Variants in SDK1 observed in about 807,000 individuals in gnomAD.
SDK1 encodes protein sidekick-1.
A neutral mutation model predicts 245.5 loss-of-function variants in SDK1; 157 were observed. That is an observed-to-expected ratio of 0.64 (90% CI 0.56 to 0.73). SDK1 has a LOEUF of 0.73. SDK1 is among the 30% of genes least tolerant of loss of function. SDK1 has a pLI of 0.00. For missense variants in SDK1, 3,583 were observed against 3,002.3 expected, an observed-to-expected ratio of 1.19 and a Z score of -4.52; for synonymous variants, 1,647 against 1,278.5, an observed-to-expected ratio of 1.29 and a Z score of -6.15.
At chr7:3,605,736 A>C (rs2128640254) in intron 1 of SDK1, among the ~76,000 whole-genome samples, 1 of 152,298 alleles carries the variant, frequency 6.6e-6, no homozygotes, top group South Asian at 2.1e-4. Context: ...TCAGAGTAAA[A>C]TTATTTCAGA....
chr7:4,021,278 C>G (rs1350963551), intron 17 of SDK1, among the ~76,000 whole-genome samples: 2 of 152,150 alleles, frequency 1.3e-5, no homozygotes, highest in African/African-American at 4.8e-5. Flanking sequence ...CATCTATCCA[C>G]AGATCGGGGT....
intron 4 of SDK1, among the ~76,000 whole-genome samples, chr7:3,793,764 G>C (rs1441007340): frequency 6.6e-6 from 1 of 152,060 alleles, no homozygotes; most frequent in Non-Finnish European, 1.5e-5. Context: ...ATGGCAGTGA[G>C]TGTGGTTATT....
intron 15 of SDK1, 81 bp downstream of exon 15, chr7:4,011,194 G>C (rs993932403): frequency 4.0e-6 from 6 of 1,518,058 alleles, no homozygotes; most frequent in Admixed American, 3.8e-5. Flanking sequence ...TTATGTGGTG[G>C]AATTGATCAC....
chr7:3,394,837 A>G (rs1433386964), intron 1 of SDK1, among the ~76,000 whole-genome samples: 5 of 152,212 alleles, frequency 3.3e-5, no homozygotes, highest in East Asian at 3.9e-4. Flanking sequence ...ATTTTTATAT[A>G]TTGATCTTGT....
At position 4,132,428 on chromosome 7, in the gene SDK1, G is replaced by A. The variant is rs1215588169; in HGVS notation, c.4228+5G>A. 1 of 1,601,526 alleles carries A rather than the reference G, an allele frequency of 6.2e-7. No individual in the cohort carries two copies. Among genetic ancestry groups the A allele is most frequent in the Non-Finnish European group, 8.5e-7 (1 of 1,172,130 alleles). On this transcript the variant is annotated splice_donor_5th_base_variant and intron_variant, in intron 28 of 44. Coordinates refer to ENST00000404826, the MANE Select transcript of SDK1 (RefSeq NM_152744.4). The stretch of plus-strand genomic sequence containing the variant: ...AGCCCAACGGCATCATCCTGGGTAA[G>A]GGAGCGGCGGTGGCCGGGCGTGGTG...
intron 4 of SDK1, among the ~76,000 whole-genome samples, chr7:3,790,119 A>G (rs1781033230): frequency 6.6e-6 from 1 of 152,112 alleles, no homozygotes; most frequent in Non-Finnish European, 1.5e-5. Flanking sequence ...TGAGAGGAGA[A>G]GTCTGCAGAC....
intron 1 of SDK1, among the ~76,000 whole-genome samples, chr7:3,430,080 A>G (rs940017198): frequency 9.9e-5 from 15 of 152,214 alleles, no homozygotes; most frequent in Non-Finnish European, 1.9e-4. Flanking sequence ...CCTTGAGGAC[A>G]GCCCTTCTTT....
At chr7:4,129,756 C>G in intron 26 of SDK1, 152 bp from the exon 27 acceptor site, 1 of 1,454,858 alleles carries the variant, frequency 6.9e-7, no homozygotes, top group Middle Eastern at 2.5e-4. Flanking sequence ...CCAGCATGGA[C>G]AAATTAGATC....
chr7:4,084,469 A>G (rs55805280), intron 22 of SDK1, among the ~76,000 whole-genome samples: 35,830 of 152,060 alleles, frequency 0.24, 4,749 homozygotes, highest in African/African-American at 0.34. Flanking sequence ...AGATGGAGCC[A>G]TGCCTGCAGG....
intron 25 of SDK1, 105 bp downstream of exon 25, chr7:4,114,379 C>T: frequency 1.2e-6 from 1 of 857,110 alleles, no homozygotes. Flanking sequence ...TGGCCTGTCC[C>T]ACTTGTGTCT....
chr7:3,703,591 T>G (rs553828543), intron 4 of SDK1, among the ~76,000 whole-genome samples: 215 of 152,312 alleles, frequency 1.4e-3, no homozygotes, highest in Non-Finnish European at 2.3e-3. Flanking sequence ...ACTCACACAT[T>G]GCACTAATTT....
chr7:3,722,677 A>G (rs1268113020), intron 4 of SDK1, among the ~76,000 whole-genome samples: 4 of 152,182 alleles, frequency 2.6e-5, no homozygotes, highest in African/African-American at 7.2e-5. Context: ...TAGCCACCAC[A>G]TGGTGCCCAG....
intron 4 of SDK1, among the ~76,000 whole-genome samples, chr7:3,770,544 T>G (rs1780380353): frequency 6.6e-6 from 1 of 152,222 alleles, no homozygotes; most frequent in African/African-American, 2.4e-5. Context: ...CCAGAGTGCC[T>G]GTAGCATTTT....
At chr7:3,723,825 CAT>C in intron 4 of SDK1, among the ~76,000 whole-genome samples, 1 of 147,160 alleles carries the variant, frequency 6.8e-6, no homozygotes, top group African/African-American at 2.5e-5. Flanking sequence ...CGTACATATA[CAT>C]ATACACGTGT....
At chr7:3,544,855 C>T (rs1458876597) in intron 1 of SDK1, among the ~76,000 whole-genome samples, 1 of 152,188 alleles carries the variant, frequency 6.6e-6, no homozygotes, top group African/African-American at 2.4e-5. Context: ...GTCACAGTTA[C>T]CCAGGGACTC....
At chr7:3,573,529 C>T (rs1326434584) in intron 1 of SDK1, among the ~76,000 whole-genome samples, 17 of 152,104 alleles carry the variant, frequency 1.1e-4, no homozygotes, top group Admixed American at 1.1e-3. Flanking sequence ...ACAACAGCCT[C>T]CACGTGTGCA....
chr7:4,065,674 C>CACCCAGATG (rs1243953529), intron 19 of SDK1, among the ~76,000 whole-genome samples: 1 of 128,620 alleles, frequency 7.8e-6, no homozygotes, highest in Non-Finnish European at 1.6e-5. Flanking sequence ...TTCAAAGTTT[C>CACCCAGATG]ACCCAGATGA....
chr7:4,047,689 T>A (rs1789121115), intron 17 of SDK1, among the ~76,000 whole-genome samples: 1 of 152,196 alleles, frequency 6.6e-6, no homozygotes, highest in Non-Finnish European at 1.5e-5. Context: ...CATTGTCTCC[T>A]CCTCCCGCGC....
chr7:3,817,736 G>T (rs942027143), intron 4 of SDK1, among the ~76,000 whole-genome samples: 1 of 152,136 alleles, frequency 6.6e-6, no homozygotes, highest in African/African-American at 2.4e-5. Context: ...CTCAATGCAG[G>T]TGGTCAGAGA....
Sources: allele counts gnomAD v4.1 joint callset (sites outside exome capture counted in the v4.1 genomes callset), GRCh38; gene constraint gnomAD v4.1.1; transcripts MANE v1.5; gene names NCBI Gene and HGNC (gene_info 2026-07-23, HGNC 2026-07-21).